Variants in ESR1 observed in about 807,000 individuals in gnomAD.
ESR1 encodes the protein estrogen receptor.
In ESR1, 12 loss-of-function variants were observed where a neutral mutation model predicts 52.7. That is an observed-to-expected ratio of 0.23 (90% CI 0.15 to 0.37). ESR1 has a LOEUF of 0.37. Among genes scored for constraint, ESR1 ranks in the 10% least tolerant of loss-of-function variants. ESR1 has a pLI of 1.00. For synonymous variants in ESR1, 305 were observed against 316.8 expected (o/e 0.96, Z 0.39); for missense variants, 584 against 779.7 (o/e 0.75, Z 2.99).
chr6:151,686,309 A>G (rs1047746901), upstream of ESR1, among the ~76,000 whole-genome samples: 3 of 152,266 alleles, frequency 2.0e-5, no homozygotes, highest in Admixed American at 1.3e-4. Flanking sequence ...AGGATGGGTC[A>G]TATTATGGCT....
At chr6:152,093,330 ATCTCTCTCTC>A (rs34340611) in intron 6 of ESR1, among the ~76,000 whole-genome samples, 3 of 125,890 alleles carry the variant, frequency 2.4e-5, no homozygotes. Context: ...TACTACCTGG[ATCTCTCTCTC>A]TCTCTCTCTC....
intron 2 of ESR1, among the ~76,000 whole-genome samples, chr6:151,764,641 C>G (rs548073710): frequency 6.6e-6 from 1 of 152,254 alleles, no homozygotes; most frequent in East Asian, 1.9e-4. Context: ...GTTCGTTAAC[C>G]ATGATAAAAA....
intron 5 of ESR1, among the ~76,000 whole-genome samples, chr6:152,014,631 G>T (rs73781052): frequency 0.018 from 2,722 of 152,080 alleles, 28 homozygotes; most frequent in South Asian, 0.026. Context: ...AAATTATCCA[G>T]TTAACTATCA....
At chr6:151,914,471 A>G (rs1414449121) in intron 3 of ESR1, among the ~76,000 whole-genome samples, 1 of 152,258 alleles carries the variant, frequency 6.6e-6, no homozygotes. Flanking sequence ...GAAGAAAAAT[A>G]GCTTATAATG....
chr6:151,819,874 A>G (rs905207324), intron 1 of ESR1, among the ~76,000 whole-genome samples: 4 of 152,188 alleles, frequency 2.6e-5, no homozygotes, highest in South Asian at 2.1e-4. Flanking sequence ...GAGTAATTTC[A>G]TAGATTTCCT....
At chr6:152,089,576 A>T (rs1160931693) in intron 6 of ESR1, among the ~76,000 whole-genome samples, 1 of 152,182 alleles carries the variant, frequency 6.6e-6, no homozygotes, top group Non-Finnish European at 1.5e-5. Flanking sequence ...AGCTTTTCAA[A>T]ACTTTTCACT....
intron 5 of ESR1, among the ~76,000 whole-genome samples, chr6:152,046,546 G>A (rs888603254): frequency 6.6e-6 from 1 of 152,194 alleles, no homozygotes; most frequent in East Asian, 1.9e-4. Context: ...AAGAGATTGA[G>A]AAGCGTGAAA....
At chr6:151,865,270 G>T (rs1019369936) in intron 2 of ESR1, among the ~76,000 whole-genome samples, 1 of 152,010 alleles carries the variant, frequency 6.6e-6, no homozygotes, top group Non-Finnish European at 1.5e-5. Context: ...ATGTGTATTG[G>T]AGATCTTTCC....
At chr6:152,122,815 A>G in intron 6 of ESR1, 2 of 1,325,596 alleles carry the variant, frequency 1.5e-6, no homozygotes, top group South Asian at 1.2e-5. Flanking sequence ...AGCCTTCCAC[A>G]GTGTGCCCAG....
At chr6:151,764,477 G>C (rs984050113) in intron 2 of ESR1, among the ~76,000 whole-genome samples, 2 of 152,118 alleles carry the variant, frequency 1.3e-5, no homozygotes, top group Admixed American at 6.5e-5. Flanking sequence ...CACTGCGCTT[G>C]TCAGGACGGC....
chr6:151,913,916 T>A (rs57729239), intron 3 of ESR1, among the ~76,000 whole-genome samples: 1 of 152,266 alleles, frequency 6.6e-6, no homozygotes, highest in Non-Finnish European at 1.5e-5. Context: ...TTAGAAATTT[T>A]AAAAAATTAT....
At chr6:151,917,033 C>G (rs1036083444) in intron 3 of ESR1, among the ~76,000 whole-genome samples, 1 of 152,150 alleles carries the variant, frequency 6.6e-6, no homozygotes, top group African/African-American at 2.4e-5. Context: ...GCAGGCACTT[C>G]TTGTCCAAGA....
chr6:151,809,104 A>G (rs1400747621), intron 1 of ESR1: 2 of 376,610 alleles, frequency 5.3e-6, no homozygotes, highest in African/African-American at 4.3e-5. Flanking sequence ...TGGAAGCACA[A>G]GTGCTTAAAA....
intron 2 of ESR1, among the ~76,000 whole-genome samples, chr6:151,758,759 A>T (rs1240788969): frequency 6.9e-6 from 1 of 144,284 alleles, no homozygotes; most frequent in East Asian, 2.2e-4. Flanking sequence ...TCTGTCTCAA[A>T]TTAAAAAAAA....
intron 2 of ESR1, among the ~76,000 whole-genome samples, chr6:151,738,391 T>G (rs1782828293): frequency 6.6e-6 from 1 of 152,172 alleles, no homozygotes; most frequent in Non-Finnish European, 1.5e-5. Context: ...GAAGTGGAAT[T>G]GTTGGATCAT....
At chr6:151,665,660 G>A (rs920254491) in intron 1 of ESR1, among the ~76,000 whole-genome samples, 9 of 151,440 alleles carry the variant, frequency 5.9e-5, no homozygotes, top group African/African-American at 1.9e-4. Context: ...TTCCCATGCC[G>A]AGACTTAAAA....
At chr6:151,683,001 T>A (rs78630903) in intron 1 of ESR1, among the ~76,000 whole-genome samples, 149 of 152,330 alleles carry the variant, frequency 9.8e-4, no homozygotes, top group African/African-American at 3.5e-3. Flanking sequence ...ATTAGACTCA[T>A]ATTACTATCC....
intron 4 of ESR1, among the ~76,000 whole-genome samples, chr6:151,983,067 C>G (rs1258816090): frequency 6.6e-6 from 1 of 152,110 alleles, no homozygotes; most frequent in Non-Finnish European, 1.5e-5. Context: ...TGTTCCTTAG[C>G]TGCACTGACC....
chr6:151,827,978 T>C, intron 1 of ESR1, among the ~76,000 whole-genome samples: 1 of 152,344 alleles, frequency 6.6e-6, no homozygotes, highest in East Asian at 1.9e-4. Flanking sequence ...TATTTTCAAA[T>C]GAGGAAAATG....
Sources: allele counts gnomAD v4.1 joint callset (sites outside exome capture counted in the v4.1 genomes callset), GRCh38; gene constraint gnomAD v4.1.1; transcripts MANE v1.5; gene names NCBI Gene and HGNC (gene_info 2026-07-23, HGNC 2026-07-21).